NHSL2: variants seen among roughly 807,000 people sequenced by gnomAD.
NHSL2 encodes the protein NHS like 2, also known as NHS-like protein 2.
In NHSL2, 27 loss-of-function variants were observed where a neutral mutation model predicts 53.4. That is an observed-to-expected ratio of 0.51 (90% CI 0.37 to 0.70). The LOEUF (loss-of-function observed/expected upper bound fraction) is 0.70. NHSL2 is among the 30% of genes least tolerant of loss of function. The probability of loss-of-function intolerance (pLI) is 0.00; values close to 1 mark genes in which losing one functional copy is unlikely to be tolerated. For synonymous variants in NHSL2, 408 were observed against 404.1 expected (o/e 1.01, Z -0.12); for missense variants, 892 against 980.1 (o/e 0.91, Z 1.20).
chrX:71,916,831 A>G (rs1185000622), intron 1 of NHSL2, among the ~76,000 whole-genome samples: 1 of 112,833 alleles, frequency 8.9e-6, no homozygotes, highest in Non-Finnish European at 1.9e-5. Flanking sequence ...TTTAAACACT[A>G]TAATGTTATC....
Position 71,911,297 on chromosome X carries a change from G to C in NHSL2, c.210G>C (p.Arg70=), listed in dbSNP as rs1159622306. ...GGCGCCGCACAGACAGCCTGTACCG[G>C]CGCACCGTGCGCCTCCGCCGCCGCC... ...ALGRRTDSLY[R]RTVRLRRRLP... The change falls in exon 1 of 8, where the codon CGG becomes CGC. Residue 70 remains arginine (R), a synonymous_variant. Coordinates refer to ENST00000633930, the MANE Select transcript of NHSL2 (RefSeq NM_001013627.3). 1 of 1,131,237 alleles carries C rather than the reference G, an allele frequency of 8.8e-7. No individual in the cohort carries two copies. The highest frequency in any genetic ancestry group is 1.2e-6 in the Non-Finnish European group (1 of 858,632). 93.2% of individuals were successfully genotyped at this position (1,131,237 alleles called of 1,213,427 possible). A position where few individuals can be genotyped will look rare whatever the true frequency, so the allele number is the denominator to read the frequency against.
chrX:72,048,070 G>GATGATGATAATA (rs754551330), intron 1 of NHSL2, among the ~76,000 whole-genome samples: 1 of 101,793 alleles, frequency 9.8e-6, no homozygotes, highest in African/African-American at 3.7e-5. Context: ...CACTCATGAT[G>GATGATGATAATA]ATAACAATAA....
At chrX:71,916,726 T>C (rs2041629903) in intron 1 of NHSL2, among the ~76,000 whole-genome samples, 1 of 112,505 alleles carries the variant, frequency 8.9e-6, no homozygotes, top group African/African-American at 3.2e-5. Context: ...TTTGGACTTT[T>C]AGAATTCCCT....
chrX:72,012,473 C>T (rs1453433418), intron 1 of NHSL2, among the ~76,000 whole-genome samples: 2 of 112,395 alleles, frequency 1.8e-5, no homozygotes, highest in African/African-American at 6.5e-5. Flanking sequence ...TGTCTAGTCC[C>T]GCTTCTGCGG....
intron 1 of NHSL2, among the ~76,000 whole-genome samples, chrX:72,107,108 A>G (rs2042049767): frequency 9.0e-6 from 1 of 110,525 alleles, no homozygotes; most frequent in Non-Finnish European, 1.9e-5. Context: ...AACTCAGAGT[A>G]TAATAAAAAA....
At chrX:72,133,892 TCTC>T (rs1365267192) in intron 2 of NHSL2, 196 bp from the exon 3 acceptor site, 39 of 389,424 alleles carry the variant, frequency 1.0e-4, no homozygotes, top group Middle Eastern at 7.1e-4. Flanking sequence ...GACTTTCTCT[TCTC>T]CTCGATCCTC....
chrX:72,133,166 G>A (rs1473032322), intron 2 of NHSL2, among the ~76,000 whole-genome samples: 2 of 112,571 alleles, frequency 1.8e-5, no homozygotes, highest in Non-Finnish European at 3.8e-5. Flanking sequence ...CTCCAGATAA[G>A]GAAGAACTTT....
At chrX:72,042,776 G>A (rs1423902493) in intron 1 of NHSL2, among the ~76,000 whole-genome samples, 1 of 107,209 alleles carries the variant, frequency 9.3e-6, no homozygotes, top group Admixed American at 1.0e-4. Context: ...AAAAGGAGCT[G>A]CAAGGACTTT....
At chrX:72,101,492 G>T (rs775982584) in intron 1 of NHSL2, among the ~76,000 whole-genome samples, 1 of 110,238 alleles carries the variant, frequency 9.1e-6, no homozygotes, top group African/African-American at 3.3e-5. Context: ...TATCTCCCAC[G>T]GGACAACATG....
At chrX:71,998,371 G>A (rs1320934994) in intron 1 of NHSL2, among the ~76,000 whole-genome samples, 1 of 111,925 alleles carries the variant, frequency 8.9e-6, no homozygotes, top group Non-Finnish European at 1.9e-5. Flanking sequence ...AATGGCTGGG[G>A]TTGTGTATGT....
At chrX:72,117,899 G>A (rs1385184629) in intron 1 of NHSL2, among the ~76,000 whole-genome samples, 4 of 108,027 alleles carry the variant, frequency 3.7e-5, no homozygotes, top group Admixed American at 3.0e-4. Flanking sequence ...GCTTCCACTT[G>A]TTGGGTATGG....
chrX:72,133,133 A>G (rs1376613095), intron 2 of NHSL2, among the ~76,000 whole-genome samples: 1 of 112,402 alleles, frequency 8.9e-6, no homozygotes, highest in African/African-American at 3.2e-5. Flanking sequence ...GTGGGTGGAA[A>G]CCCAGAAGGA....
intron 1 of NHSL2, among the ~76,000 whole-genome samples, chrX:72,004,933 C>T (rs774247826): frequency 9.0e-6 from 1 of 111,218 alleles, no homozygotes; most frequent in African/African-American, 3.3e-5. Context: ...TGGGAAGGGG[C>T]CCCTTGGTAG....
chrX:72,028,049 C>CT (rs2042195359), intron 1 of NHSL2, among the ~76,000 whole-genome samples: 1 of 111,621 alleles, frequency 9.0e-6, no homozygotes, highest in African/African-American at 3.3e-5. Flanking sequence ...CCAGAGGGTG[C>CT]TAGGAACCCT....
At chrX:71,950,388 T>C (rs1443763393) in intron 1 of NHSL2, among the ~76,000 whole-genome samples, 3 of 112,768 alleles carry the variant, frequency 2.7e-5, no homozygotes, top group Non-Finnish European at 5.6e-5. Flanking sequence ...GCTCCCTGTT[T>C]AGGGCAGGTT....
intron 1 of NHSL2, among the ~76,000 whole-genome samples, chrX:72,088,666 A>G (rs748945126): frequency 8.9e-6 from 1 of 111,873 alleles, no homozygotes; most frequent in South Asian, 3.8e-4. Context: ...AGTCCATACT[A>G]CACATCACCA....
chrX:72,043,543 C>T (rs2042287689), intron 1 of NHSL2, among the ~76,000 whole-genome samples: 1 of 110,770 alleles, frequency 9.0e-6, no homozygotes, highest in African/African-American at 3.3e-5. Context: ...ATGGCTGAGC[C>T]GGGATTCGAC....
intron 1 of NHSL2, among the ~76,000 whole-genome samples, chrX:71,994,298 CTGTGTGTG>C (rs10673341): frequency 3.3e-5 from 3 of 90,056 alleles, no homozygotes; most frequent in East Asian, 3.5e-4. Context: ...GAGGCTCCCT[CTGTGTGTG>C]TGTGTGTGTG....
At chrX:72,084,771 G>A (rs1324662351) in intron 1 of NHSL2, among the ~76,000 whole-genome samples, 1 of 112,069 alleles carries the variant, frequency 8.9e-6, no homozygotes, top group East Asian at 2.8e-4. Context: ...GAGGCAGCGA[G>A]GAGAGAACAG....
Sources: allele counts gnomAD v4.1 joint callset (sites outside exome capture counted in the v4.1 genomes callset), GRCh38; gene constraint gnomAD v4.1.1; transcripts MANE v1.5; gene names NCBI Gene and HGNC (gene_info 2026-07-23, HGNC 2026-07-21).